The following NBEAL1 variants were observed in gnomAD, a reference collection of about 807,000 sequenced individuals.
NBEAL1 encodes neurobeachin like 1.
NBEAL1 carries 273 observed loss-of-function variants against 351.3 expected under a neutral mutation model. The ratio of observed to expected loss-of-function variants is 0.78; its 90% CI spans 0.70 to 0.86. NBEAL1 has a LOEUF of 0.86. Among genes scored for constraint, NBEAL1 ranks in the 40% least tolerant of loss-of-function variants. The pLI, the probability that NBEAL1 is intolerant of heterozygous loss-of-function variation, is 0.00. For missense variants in NBEAL1, 2,961 were observed against 3,201.3 expected, an observed-to-expected ratio of 0.92 and a Z score of 1.81; for synonymous variants, 1,050 against 1,086.4, an observed-to-expected ratio of 0.97 and a Z score of 0.66.
At chr2:203,160,547 G>T (rs1017918531) in intron 36 of NBEAL1, among the ~76,000 whole-genome samples, 2 of 152,010 alleles carry the variant, frequency 1.3e-5, no homozygotes, top group African/African-American at 4.8e-5. Context: ...GAACATCAGA[G>T]GTCCCCCAGA....
chr2:203,194,615 A>C (rs574463771), intron 47 of NBEAL1, among the ~76,000 whole-genome samples: 5 of 152,312 alleles, frequency 3.3e-5, no homozygotes, highest in Admixed American at 3.3e-4. Context: ...CTAACTGGTA[A>C]ATATTTTGTG....
intron 27 of NBEAL1, 24 bp downstream of exon 27, chr2:203,133,170 T>G: frequency 9.3e-7 from 1 of 1,079,736 alleles, no homozygotes; most frequent in Non-Finnish European, 1.3e-6. Flanking sequence ...TAAGATATAT[T>G]TTAATGATAG....
intron 51 of NBEAL1, among the ~76,000 whole-genome samples, chr2:203,207,367 A>G (rs1179025923): frequency 1.3e-5 from 2 of 151,814 alleles, no homozygotes; most frequent in South Asian, 2.1e-4. Context: ...CCTACTGGGA[A>G]GTGAGGAGCC....
rs1045246708 is a variant in NBEAL1 at position 203,133,115 on chromosome 2, A to T, written c.3782A>T (p.His1261Leu). 6.6e-7 allele frequency: 1 copy of T among 1,511,960 alleles called. No individual in the cohort carries two copies. The highest frequency in any genetic ancestry group is 1.4e-5 in the African/African-American group (1 of 71,886). The allele number at this position is 1,511,960 out of a possible 1,614,324, so 93.7% of individuals were successfully genotyped here. ...LSVVYISHRA[H>L]INVRVAICRK... is the part of the protein sequence containing the mutation. ...GTGGTATATATATCTCACAGAGCAC[A>T]TATAAATGTTAGAGTGGCCATCTGC... Residue 1261 changes from histidine to leucine, a missense_variant, in exon 27 of 56, where the codon CAT (histidine) becomes CTT (leucine). Transcript: ENST00000683969.
At chr2:203,194,935 C>T (rs776646204) in intron 47 of NBEAL1, among the ~76,000 whole-genome samples, 3 of 152,134 alleles carry the variant, frequency 2.0e-5, no homozygotes, top group Non-Finnish European at 4.4e-5. Flanking sequence ...CAGTGGCTCA[C>T]GCCTGTAATC....
At chr2:203,071,978 C>A (rs2061692093) in intron 7 of NBEAL1, among the ~76,000 whole-genome samples, 1 of 152,188 alleles carries the variant, frequency 6.6e-6, no homozygotes, top group Non-Finnish European at 1.5e-5. Flanking sequence ...AAGGGCCCCA[C>A]ACATAATGCT....
intron 34 of NBEAL1, among the ~76,000 whole-genome samples, chr2:203,150,374 A>G (rs1196944577): frequency 6.6e-6 from 1 of 152,034 alleles, no homozygotes; most frequent in East Asian, 1.9e-4. Context: ...ATGTCTGCGC[A>G]AGTCCTTTGC....
intron 33 of NBEAL1, 40 bp downstream of exon 33, chr2:203,145,200 A>G (rs775590532): frequency 1.3e-6 from 2 of 1,560,716 alleles, no homozygotes; most frequent in Admixed American, 3.8e-5. Flanking sequence ...TTTCTTGTTG[A>G]TTTTAGGCAT....
chr2:203,091,997 A>G (rs895147587), intron 10 of NBEAL1, among the ~76,000 whole-genome samples: 1 of 152,214 alleles, frequency 6.6e-6, no homozygotes, highest in Admixed American at 6.5e-5. Context: ...ACCATAATTT[A>G]CTTAACTACA....
intron 44 of NBEAL1, among the ~76,000 whole-genome samples, chr2:203,184,645 A>G (rs1333872479): frequency 2.0e-5 from 3 of 151,722 alleles, no homozygotes; most frequent in Non-Finnish European, 4.4e-5. Flanking sequence ...ACTTGGAAAC[A>G]TTTTCTATCA....
intron 10 of NBEAL1, chr2:203,085,118 AGATG>A (rs2061939320): frequency 6.5e-6 from 1 of 152,686 alleles, no homozygotes. Context: ...TTTTTTTTTG[AGATG>A]GAGTCTCGCC....
chr2:203,157,510 T>C (rs554240837), intron 35 of NBEAL1, among the ~76,000 whole-genome samples, 189 bp from the exon 36 acceptor site: 1 of 152,214 alleles, frequency 6.6e-6, no homozygotes, highest in African/African-American at 2.4e-5. Context: ...CTTTTTACCT[T>C]ATGAATAGTA....
At chr2:203,152,142 G>A (rs993024619) in intron 35 of NBEAL1, among the ~76,000 whole-genome samples, 2 of 151,520 alleles carry the variant, frequency 1.3e-5, no homozygotes, top group African/African-American at 4.8e-5. Flanking sequence ...ATTTTTAGTA[G>A]AGATGGGGTT....
intron 2 of NBEAL1, among the ~76,000 whole-genome samples, chr2:203,028,829 T>C (rs186914844): frequency 3.3e-5 from 5 of 152,280 alleles, no homozygotes; most frequent in Non-Finnish European, 7.3e-5. Context: ...TTATAAATTG[T>C]ATTTTTAGAG....
At chr2:203,109,127 T>A (rs530753880) in intron 14 of NBEAL1, among the ~76,000 whole-genome samples, 208 of 152,254 alleles carry the variant, frequency 1.4e-3, no homozygotes, top group Middle Eastern at 3.4e-3. Flanking sequence ...GTGGTTGAGG[T>A]GGGCGAATCA....
intron 12 of NBEAL1, among the ~76,000 whole-genome samples, chr2:203,102,621 A>G (rs1416923700): frequency 6.6e-6 from 1 of 152,142 alleles, no homozygotes; most frequent in African/African-American, 2.4e-5. Flanking sequence ...ATTAATTTGC[A>G]TATGTTGAAC....
intron 3 of NBEAL1, among the ~76,000 whole-genome samples, chr2:203,048,442 G>A (rs1451655314): frequency 6.6e-6 from 1 of 151,682 alleles, no homozygotes; most frequent in Non-Finnish European, 1.5e-5. Flanking sequence ...CATCCCCAGA[G>A]ATGATAGGGT....
intron 5 of NBEAL1, 98 bp from the exon 6 acceptor site, chr2:203,057,228 A>C: frequency 9.9e-7 from 1 of 1,009,132 alleles, no homozygotes; most frequent in East Asian, 2.6e-5. Context: ...AATGACTCTT[A>C]GTCTCAAAGG....
At chr2:203,032,602 G>T (rs1483839300) in intron 2 of NBEAL1, among the ~76,000 whole-genome samples, 1 of 147,680 alleles carries the variant, frequency 6.8e-6, no homozygotes, top group African/African-American at 2.5e-5. Context: ...GGAGCTTGCA[G>T]TGAGCTGAGA....
Sources: gnomAD v4.1 joint callset for allele counts (sites outside exome capture counted in the v4.1 genomes callset) on GRCh38, gnomAD v4.1.1 for gene constraint, MANE v1.5 for transcripts, NCBI Gene and HGNC (gene_info 2026-07-23, HGNC 2026-07-21) for gene names.